The following PIEZO2 variants were observed in gnomAD, a reference collection of about 807,000 sequenced individuals.
PIEZO2 encodes the protein piezo-type mechanosensitive ion channel component 2.
In PIEZO2, 172 loss-of-function variants were observed where a neutral mutation model predicts 337.3. That is an observed-to-expected ratio of 0.51 (90% CI 0.45 to 0.58). The LOEUF is 0.58. Ranked by LOEUF, PIEZO2 falls within the 20% of genes least tolerant of loss-of-function variation. The pLI, the probability that PIEZO2 is intolerant of heterozygous loss-of-function variation, is 0.00. For synonymous variants in PIEZO2, 1,251 were observed against 1,228.5 expected, an observed-to-expected ratio of 1.02 and a Z score of -0.38; for missense variants, 3,028 against 3,391.3, an observed-to-expected ratio of 0.89 and a Z score of 2.66.
rs1353129992 is a variant in PIEZO2, at chr18:11,003,445, A to T, written c.161-23785T>A. On this transcript the variant is annotated intron_variant, in intron 2 of 55. Coordinates refer to ENST00000674853, the MANE Select transcript of PIEZO2 (RefSeq NM_001378183.1). This position sits in a 1 kb window ranked among gnomAD's most constrained non-coding sequence, Gnocchi z 4.6. Reference sequence around the variant, plus strand: ...AAGGCATATTTCTGGTCACAAAAACATCACCAAACTTCTAAATAAGGACAA... The same window carrying T: ...AAGGCATATTTCTGGTCACAAAAACTTCACCAAACTTCTAAATAAGGACAA... Among the ~76,000 whole-genome samples the T allele has an allele frequency of 2.6e-5, 4 of 152,262 alleles. No individual in the cohort carries two copies. The highest frequency in any genetic ancestry group is 2.4e-5 in the African/African-American group (1 of 41,468).
chr18:11,124,823 C>G (rs1022126870), intron 1 of PIEZO2, among the ~76,000 whole-genome samples: 2 of 152,152 alleles, frequency 1.3e-5, no homozygotes, highest in African/African-American at 4.8e-5. Context: ...CCATTTTAAG[C>G]GCTGGATCGT....
chr18:10,755,911 T>G (rs2037820373), intron 27 of PIEZO2, among the ~76,000 whole-genome samples: 1 of 135,070 alleles, frequency 7.4e-6, no homozygotes, highest in Non-Finnish European at 1.6e-5. Context: ...GGATAGAGGG[T>G]GAGGAGGAGG....
Position 10,797,525 on chromosome 18 carries a change from A to C in PIEZO2, c.1379-3T>G. The C allele has an allele frequency of 2.0e-6, 3 of 1,536,372 alleles. No individual in the cohort carries two copies. The highest frequency in any genetic ancestry group is 2.6e-6 in the Non-Finnish European group (3 of 1,146,684). On this transcript the variant is annotated splice_polypyrimidine_tract_variant and splice_region_variant and intron_variant, in intron 11 of 55. Coordinates refer to ENST00000674853, the MANE Select transcript of PIEZO2 (RefSeq NM_001378183.1). ...TTCCTCTTCCTCCTCTCGCTTTTCT[A>C]GATGGACGAATACTTTATTTAACTA...
At position 10,677,614 on chromosome 18, in the gene PIEZO2, T is replaced by A; in HGVS notation, c.8081+133A>T. The A allele has an allele frequency of 8.7e-7, 1 of 1,151,782 alleles. No homozygotes were observed. The highest frequency in any genetic ancestry group is 2.5e-5 in the East Asian group (1 of 39,650). The allele number at this position is 1,151,782 out of a possible 1,614,324, so 71.3% of individuals were successfully genotyped here. A position where few individuals can be genotyped will look rare whatever the true frequency, so the allele number is the denominator to read the frequency against. ...TTCTTTAATCTTGCAAAATGGGGCC[T>A]CCAAATAGAAATTAACTTTGTGTTA... On this transcript the variant is annotated intron_variant, in intron 53 of 55. Transcript: ENST00000674853. The surrounding 1 kb of genome is among the most constrained non-coding windows in gnomAD (Gnocchi z 4.1).
intron 3 of PIEZO2, among the ~76,000 whole-genome samples, chr18:10,951,871 C>G (rs748716647): frequency 1.9e-4 from 29 of 151,922 alleles, no homozygotes; most frequent in Non-Finnish European, 3.4e-4. Flanking sequence ...CCAAAATATT[C>G]AAGTAATATT....
At chr18:11,042,922 G>A (rs926684478) in intron 2 of PIEZO2, among the ~76,000 whole-genome samples, 2 of 152,132 alleles carry the variant, frequency 1.3e-5, no homozygotes, top group Non-Finnish European at 2.9e-5. Flanking sequence ...CTTCAAAGAA[G>A]AATCTGAGGA....
Position 11,128,384 on chromosome 18 carries a change from C to T in PIEZO2, c.64+20141G>A, listed in dbSNP as rs948373136. On this transcript the variant is annotated intron_variant, in intron 1 of 55. Transcript: ENST00000674853. The surrounding 1 kb of genome is among the most constrained non-coding windows in gnomAD (Gnocchi z 4.1). The stretch of plus-strand genomic sequence containing the variant: ...CTGCAACGAAAGATACATGCACAGC[C>T]CCGCCAGGTGTCTACTGTTAAAGTG... Among the ~76,000 whole-genome samples the T allele has an allele frequency of 7.2e-5, 11 of 152,132 alleles. No homozygotes were observed. Among genetic ancestry groups the T allele is most frequent in the African/African-American group, 2.7e-4 (11 of 41,416 alleles).
chr18:11,029,370 G>A (rs377702938), intron 2 of PIEZO2, among the ~76,000 whole-genome samples: 1 of 152,076 alleles, frequency 6.6e-6, no homozygotes, highest in Admixed American at 6.6e-5. Context: ...AAATTCATCC[G>A]TAAGTTTTGT....
intron 2 of PIEZO2, among the ~76,000 whole-genome samples, chr18:11,011,800 C>A (rs1309528611): frequency 6.6e-6 from 1 of 152,314 alleles, no homozygotes; most frequent in East Asian, 1.9e-4. Context: ...TTTTCCATAA[C>A]TCTTGATATA....
At chr18:11,114,466 G>C (rs940634104) in intron 1 of PIEZO2, among the ~76,000 whole-genome samples, 11 of 152,202 alleles carry the variant, frequency 7.2e-5, no homozygotes, top group African/African-American at 2.7e-4. Flanking sequence ...AGGAGTTCAA[G>C]ACCAGCCTGG....
At position 10,815,885 on chromosome 18, in the gene PIEZO2, C is replaced by T. The variant is rs1445885559; in HGVS notation, c.918-8611G>A. Among the ~76,000 whole-genome samples the T allele has an allele frequency of 6.6e-6, 1 of 152,220 alleles. No individual in the cohort carries two copies. Among genetic ancestry groups the T allele is most frequent in the Non-Finnish European group, 1.5e-5 (1 of 68,036 alleles). On this transcript the variant is annotated intron_variant, in intron 7 of 55. Coordinates refer to ENST00000674853, the MANE Select transcript of PIEZO2 (RefSeq NM_001378183.1). The surrounding 1 kb of genome is among the most constrained non-coding windows in gnomAD (Gnocchi z 4.1). ...GGAGGCCTAGGTGATGCTTGGTCCT[C>T]TCTTACAGTTCAGTTATTCGCTCCT...
At chr18:10,803,141 C>T (rs748307120) in intron 9 of PIEZO2, among the ~76,000 whole-genome samples, 2 of 152,150 alleles carry the variant, frequency 1.3e-5, no homozygotes, top group African/African-American at 2.4e-5. Context: ...AACCCATTGG[C>T]ATATCATGCA....
In PIEZO2 at chr18:10,876,931, C is replaced by T. The variant is rs2042283047; in HGVS notation, c.330-5516G>A. On this transcript the variant is annotated intron_variant, in intron 4 of 55. Transcript: ENST00000674853. ...GACCCATTCCAATTCTCATCACATT[C>T]CACCTCCATGCTGCATTTGACAAGC... 2.0e-5 allele frequency among the ~76,000 whole-genome samples: 3 copies of T among 152,202 alleles called. No homozygotes were observed. The South Asian group carries it at 6.2e-4, about 31-fold the overall frequency.
At chr18:10,761,869 G>C (rs2038149236) in intron 23 of PIEZO2, among the ~76,000 whole-genome samples, 1 of 152,202 alleles carries the variant, frequency 6.6e-6, no homozygotes, top group African/African-American at 2.4e-5. Context: ...GATTAGGACT[G>C]CTCAGATAAT....
rs376799637 is a variant in PIEZO2, at chr18:11,001,485, C to T, written c.161-21825G>A. Among the ~76,000 whole-genome samples the T allele has an allele frequency of 3.9e-5, 6 of 152,216 alleles. No homozygotes were observed. Among genetic ancestry groups the T allele is most frequent in the East Asian group, 1.9e-4 (1 of 5,162 alleles). On this transcript the variant is annotated intron_variant, in intron 2 of 55. Transcript: ENST00000674853. This position sits in a 1 kb window ranked among gnomAD's most constrained non-coding sequence, Gnocchi z 5.3. ...CTTCACTGTCAGACAGTGAAAATCA[C>T]GACTGTGATTATCCTCCAGTCCCCT...
intron 2 of PIEZO2, among the ~76,000 whole-genome samples, chr18:11,026,697 T>G (rs547653411): frequency 1.3e-5 from 2 of 152,314 alleles, no homozygotes; most frequent in South Asian, 4.1e-4. Flanking sequence ...TATTCAGCCT[T>G]ACCCTGAATT....
In PIEZO2 at chr18:10,962,342, G is replaced by A. The variant is rs1291618902; in HGVS notation, c.286+17193C>T. Among the ~76,000 whole-genome samples, 2 of 151,956 alleles carry A rather than the reference G, an allele frequency of 1.3e-5. No individual in the cohort carries two copies. The highest frequency in any genetic ancestry group is 2.9e-5 in the Non-Finnish European group (2 of 68,002). Reference sequence around the variant, plus strand: ...TCCTGGTCACTCACGGCCCTCCCTCGGCTCCCCACAGCCTCATACTCACAA... The same window carrying A: ...TCCTGGTCACTCACGGCCCTCCCTCAGCTCCCCACAGCCTCATACTCACAA... On this transcript the variant is annotated intron_variant, in intron 3 of 55. Transcript: ENST00000674853. This position sits in a 1 kb window ranked among gnomAD's most constrained non-coding sequence, Gnocchi z 4.1.
At chr18:11,089,630 T>C (rs758980769) in intron 1 of PIEZO2, among the ~76,000 whole-genome samples, 3 of 152,178 alleles carry the variant, frequency 2.0e-5, no homozygotes, top group Non-Finnish European at 4.4e-5. Flanking sequence ...ATCAACTCCA[T>C]TACAGGATTT....
rs1158271896 is a variant in PIEZO2, at chr18:10,855,323, T to A, written c.917+30A>T. ...CCCAAAGGCGTGGGGGGACAACCTCTCCTGGAAATGCCATAAGGATTTCTC... is the reference window on the plus strand; with the variant it reads ...CCCAAAGGCGTGGGGGGACAACCTCACCTGGAAATGCCATAAGGATTTCTC... On this transcript the variant is annotated intron_variant, in intron 7 of 55. Transcript: ENST00000674853. This position sits in a 1 kb window ranked among gnomAD's most constrained non-coding sequence, Gnocchi z 4.9. 6.6e-7 allele frequency: 1 copy of A among 1,504,030 alleles called. No homozygotes were observed. The allele number at this position is 1,504,030 out of a possible 1,614,324, so 93.2% of individuals were successfully genotyped here. A position where few individuals can be genotyped will look rare whatever the true frequency, so the allele number is the denominator to read the frequency against.
Sources: gnomAD v4.1 joint callset for allele counts (sites outside exome capture counted in the v4.1 genomes callset) on GRCh38, gnomAD v4.1.1 for gene constraint, Gnocchi (gnomAD v3.1) non-coding constraint, MANE v1.5 for transcripts, NCBI Gene and HGNC (gene_info 2026-07-23, HGNC 2026-07-21) for gene names.